Variants in TENM2 observed in about 807,000 individuals in gnomAD.
TENM2 encodes teneurin-2.
In TENM2, 52 loss-of-function variants were observed where a neutral mutation model predicts 245.2. The ratio of observed to expected loss-of-function variants is 0.21; its 90% CI spans 0.17 to 0.27. The LOEUF (loss-of-function observed/expected upper bound fraction) is 0.27. Ranked by LOEUF, TENM2 falls within the 10% of genes least tolerant of loss-of-function variation. The pLI, the probability that TENM2 is intolerant of heterozygous loss-of-function variation, is 1.00. For synonymous variants in TENM2, 1,363 were observed against 1,438.9 expected (o/e 0.95, Z 1.19); for missense variants, 3,046 against 3,666.8 (o/e 0.83, Z 4.37).
chr5:166,984,873 C>T, the TENM2 span, among the ~76,000 whole-genome samples: 1 of 152,136 alleles, frequency 6.6e-6, no homozygotes, highest in East Asian at 1.9e-4. Flanking sequence ...GTAGAAATCA[C>T]TTAGAAGAAA....
chr5:167,858,187 T>C (rs1033126487), intron 2 of TENM2, among the ~76,000 whole-genome samples: 1 of 152,262 alleles, frequency 6.6e-6, no homozygotes, highest in Non-Finnish European at 1.5e-5. Context: ...TTATTTAGCA[T>C]GTCAGAACTG....
the TENM2 span, among the ~76,000 whole-genome samples, chr5:167,188,655 G>A: frequency 6.6e-6 from 1 of 152,230 alleles, no homozygotes; most frequent in East Asian, 1.9e-4. Context: ...ACTGTGACCA[G>A]TTCTATGTAC....
At chr5:168,063,017 G>A (rs919771709) in intron 7 of TENM2, among the ~76,000 whole-genome samples, 2 of 152,134 alleles carry the variant, frequency 1.3e-5, no homozygotes, top group African/African-American at 2.4e-5. Flanking sequence ...TCACAGTGTC[G>A]TATGAATTTT....
At chr5:167,786,915 C>A (rs1315673619) in intron 2 of TENM2, among the ~76,000 whole-genome samples, 1 of 152,218 alleles carries the variant, frequency 6.6e-6, no homozygotes. Flanking sequence ...TTATAGAATT[C>A]TAGGTTTCTC....
At chr5:167,071,130 T>A in the TENM2 span, among the ~76,000 whole-genome samples, 2 of 152,154 alleles carry the variant, frequency 1.3e-5, no homozygotes, top group Non-Finnish European at 2.9e-5. Flanking sequence ...GCATAATTAT[T>A]TTATAAATTT....
the TENM2 span, among the ~76,000 whole-genome samples, chr5:167,104,575 G>A: frequency 6.6e-6 from 1 of 152,102 alleles, no homozygotes; most frequent in Non-Finnish European, 1.5e-5. Context: ...GCATTTTAGC[G>A]GCTAGCGAGT....
chr5:167,383,816 T>C, intron 2 of TENM2, among the ~76,000 whole-genome samples: 1 of 152,114 alleles, frequency 6.6e-6, no homozygotes. Context: ...ATATGTTTTA[T>C]GATGCAAGTA....
intron 9 of TENM2, among the ~76,000 whole-genome samples, chr5:168,102,723 A>G (rs886666795): frequency 3.3e-5 from 5 of 152,202 alleles, no homozygotes; most frequent in Admixed American, 3.3e-4. Context: ...GCAAAAATCC[A>G]ATGATTAGCA....
intron 5 of TENM2, among the ~76,000 whole-genome samples, chr5:168,029,178 G>C (rs1453883387): frequency 1.3e-5 from 2 of 152,094 alleles, no homozygotes; most frequent in Non-Finnish European, 2.9e-5. Flanking sequence ...GTTTTATAGG[G>C]ACACCAACCC....
At chr5:166,981,763 G>A in the TENM2 span, among the ~76,000 whole-genome samples, 2 of 152,008 alleles carry the variant, frequency 1.3e-5, no homozygotes, top group Non-Finnish European at 1.5e-5. Flanking sequence ...TTTTCCTACT[G>A]AGGTTGTTTT....
intron 1 of TENM2, among the ~76,000 whole-genome samples, chr5:167,329,947 A>G (rs1757341231): frequency 6.6e-6 from 1 of 152,174 alleles, no homozygotes; most frequent in Non-Finnish European, 1.5e-5. Flanking sequence ...GTACTCTAGT[A>G]CCATTTATTA....
intron 27 of TENM2, 71 bp from the exon 30 acceptor site, chr5:168,260,212 C>T: frequency 2.6e-6 from 4 of 1,564,024 alleles, no homozygotes; most frequent in Non-Finnish European, 3.5e-6. Context: ...ATTTTGTTCT[C>T]TCTTTAAGCT....
At chr5:167,690,098 A>T (rs1582759855) in intron 2 of TENM2, among the ~76,000 whole-genome samples, 1 of 127,728 alleles carries the variant, frequency 7.8e-6, no homozygotes. Flanking sequence ...GGAAAAAAAC[A>T]CACTTTTTTT....
At chr5:167,827,731 C>T (rs1490857438) in intron 2 of TENM2, among the ~76,000 whole-genome samples, 3 of 151,026 alleles carry the variant, frequency 2.0e-5, no homozygotes, top group African/African-American at 7.3e-5. Flanking sequence ...GAGTTATTGC[C>T]TGAAATCACT....
At chr5:167,326,864 A>G (rs1338140659) in intron 1 of TENM2, among the ~76,000 whole-genome samples, 1 of 151,754 alleles carries the variant, frequency 6.6e-6, no homozygotes, top group Non-Finnish European at 1.5e-5. Context: ...TACAATACTG[A>G]TGAAGAAATA....
intron 2 of TENM2, among the ~76,000 whole-genome samples, chr5:167,827,096 A>G (rs938152279): frequency 7.9e-5 from 12 of 152,230 alleles, no homozygotes; most frequent in African/African-American, 1.9e-4. Context: ...AGTAGTCTTC[A>G]GTTTCATGTA....
At chr5:167,547,156 G>A (rs1305804959) in intron 2 of TENM2, among the ~76,000 whole-genome samples, 1 of 152,122 alleles carries the variant, frequency 6.6e-6, no homozygotes, top group East Asian at 1.9e-4. Context: ...CTTGATCTCG[G>A]CTCACTGCAA....
At chr5:167,578,992 G>C (rs978019679) in intron 2 of TENM2, among the ~76,000 whole-genome samples, 1 of 152,084 alleles carries the variant, frequency 6.6e-6, no homozygotes, top group Non-Finnish European at 1.5e-5. Context: ...AGGTGGACAC[G>C]GTCACCAACA....
chr5:167,911,895 G>A (rs1329668331), intron 3 of TENM2, among the ~76,000 whole-genome samples: 1 of 152,074 alleles, frequency 6.6e-6, no homozygotes, highest in East Asian at 1.9e-4. Context: ...ATATATTTAT[G>A]ATATACAGCA....
Sources: allele counts gnomAD v4.1 joint callset (sites outside exome capture counted in the v4.1 genomes callset), GRCh38; gene constraint gnomAD v4.1.1; transcripts MANE v1.5; gene names NCBI Gene and HGNC (gene_info 2026-07-23, HGNC 2026-07-21).